Variants in CDH1 observed in about 807,000 individuals in gnomAD.
CDH1 encodes cadherin 1.
CDH1 carries 35 observed loss-of-function variants against 84.5 expected under a neutral mutation model. The ratio of observed to expected loss-of-function variants is 0.41; its 90% CI spans 0.32 to 0.55. The LOEUF (loss-of-function observed/expected upper bound fraction) is 0.55, where lower values mean the gene tolerates loss of function less well. Ranked by LOEUF, CDH1 falls within the 20% of genes least tolerant of loss-of-function variation. The probability of loss-of-function intolerance (pLI) is 0.19; values close to 1 mark genes in which losing one functional copy is unlikely to be tolerated. For synonymous variants in CDH1, 417 were observed against 439.0 expected, an observed-to-expected ratio of 0.95 and a Z score of 0.63; for missense variants, 994 against 1,126.6, an observed-to-expected ratio of 0.88 and a Z score of 1.68.
At chr16:68,747,400 T>C (rs1597846747) in intron 2 of CDH1, among the ~76,000 whole-genome samples, 1 of 151,598 alleles carries the variant, frequency 6.6e-6, no homozygotes, top group African/African-American at 2.4e-5. Flanking sequence ...TCATGGAGGG[T>C]TTTCTCTTTC....
At chr16:68,807,174 G>A (rs1960688456) in intron 3 of CDH1, among the ~76,000 whole-genome samples, 2 of 152,120 alleles carry the variant, frequency 1.3e-5, no homozygotes, top group Admixed American at 1.3e-4. Flanking sequence ...TATTGCATAT[G>A]AAAACTGTTC....
intron 2 of CDH1, among the ~76,000 whole-genome samples, chr16:68,738,881 A>G (rs1469367375): frequency 1.4e-5 from 2 of 146,258 alleles, no homozygotes; most frequent in African/African-American, 2.5e-5. Flanking sequence ...GGGATGACTG[A>G]AGAGCAGCCC....
At chr16:68,820,175 G>A (rs1418794518) in intron 11 of CDH1, among the ~76,000 whole-genome samples, 1 of 151,706 alleles carries the variant, frequency 6.6e-6, no homozygotes, top group African/African-American at 2.4e-5. Flanking sequence ...CTCCATCCTG[G>A]GCAACAGAGC....
intron 2 of CDH1, among the ~76,000 whole-genome samples, chr16:68,739,573 C>G (rs1445260994): frequency 2.0e-5 from 3 of 148,478 alleles, no homozygotes; most frequent in Non-Finnish European, 3.0e-5. Flanking sequence ...ACCAAAACAT[C>G]TTGATACAGG....
chr16:68,830,243 G>A (rs1042578715), intron 15 of CDH1, among the ~76,000 whole-genome samples: 4 of 151,968 alleles, frequency 2.6e-5, no homozygotes, highest in Non-Finnish European at 5.9e-5. Context: ...GTGAGCCACC[G>A]CACCTGGCAG....
In CDH1 at chr16:68,815,737, A is replaced by G. The variant is rs1219371636; in HGVS notation, c.1543A>G (p.Thr515Ala). The stretch of plus-strand genomic sequence containing the variant: ...ATCCTACACTGCCCAGGAGCCAGAC[A>G]CATTTATGGAACAGAAAATAACGTA... ...ITSYTAQEPD[T>A]FMEQKITYRI... Residue 515 changes from threonine (T) to alanine (A), a missense_variant, in exon 10 of 16, where the codon ACA becomes GCA. By Grantham distance (58) the Thr-to-Ala change is moderately conservative. Transcript: ENST00000261769. 6 of 1,614,246 alleles carry G rather than the reference A, an allele frequency of 3.7e-6. No individual in the cohort carries two copies. In the South Asian group the frequency reaches 6.6e-5, roughly 18 times the overall value.
chr16:68,785,681 C>T (rs996509224), intron 2 of CDH1, among the ~76,000 whole-genome samples: 2 of 151,886 alleles, frequency 1.3e-5, no homozygotes, highest in African/African-American at 4.8e-5. Context: ...TTTGCACTTG[C>T]TTTTATCAGC....
intron 2 of CDH1, among the ~76,000 whole-genome samples, chr16:68,790,395 C>T (rs1258815642): frequency 6.6e-6 from 1 of 152,126 alleles, no homozygotes; most frequent in African/African-American, 2.4e-5. Flanking sequence ...CAAACAGTTC[C>T]TAGAGTTGCC....
chr16:68,815,982 G>A (rs1960978038), intron 10 of CDH1, among the ~76,000 whole-genome samples: 1 of 152,064 alleles, frequency 6.6e-6, no homozygotes, highest in Non-Finnish European at 1.5e-5. Context: ...TTGAGCTCTT[G>A]TAGTATGGTA....
chr16:68,779,924 C>G (rs2152121826), intron 2 of CDH1, among the ~76,000 whole-genome samples: 1 of 152,260 alleles, frequency 6.6e-6, no homozygotes, highest in East Asian at 1.9e-4. Flanking sequence ...TCCCCCCATC[C>G]CCAGCTGAAA....
chr16:68,738,351 G>A lies in CDH1; in HGVS notation c.103G>A (p.Glu35Lys), dbSNP rs1597838625. Residue 35 changes from glutamate to lysine, a missense_variant, in exon 2 of 16, where the codon GAG becomes AAG. This residue lies in a region of CDH1 where 203 missense variants were observed against 194.0 expected (regional missense o/e 1.05). Transcript: ENST00000261769. Reference sequence around the variant, plus strand: ...GCCCTGCCACCCTGGCTTTGACGCCGAGAGCTACACGTTCACGGTGCCCCG... The same window carrying A: ...GCCCTGCCACCCTGGCTTTGACGCCAAGAGCTACACGTTCACGGTGCCCCG... ...PEPCHPGFDAESYTFTVPRRH... is the reference protein window; with the variant it reads ...PEPCHPGFDAKSYTFTVPRRH... 5 of 1,551,328 alleles carry A rather than the reference G, an allele frequency of 3.2e-6. No individual in the cohort carries two copies. Among genetic ancestry groups the A allele is most frequent in the Non-Finnish European group, 4.4e-6 (5 of 1,146,814 alleles).
intron 2 of CDH1, among the ~76,000 whole-genome samples, chr16:68,793,023 C>A (rs754655211): frequency 5.9e-5 from 9 of 152,176 alleles, no homozygotes; most frequent in Non-Finnish European, 1.0e-4. Flanking sequence ...TGCAAATAAA[C>A]TTCCAGTCCC....
intron 2 of CDH1, among the ~76,000 whole-genome samples, chr16:68,785,896 G>T (rs890776878): frequency 2.0e-5 from 3 of 152,180 alleles, no homozygotes; most frequent in African/African-American, 7.2e-5. Context: ...TCATTTTTGT[G>T]TGCAAGCTTT....
At chr16:68,760,760 A>G (rs549068937) in intron 2 of CDH1, among the ~76,000 whole-genome samples, 8 of 152,212 alleles carry the variant, frequency 5.3e-5, no homozygotes, top group South Asian at 2.1e-4. Flanking sequence ...TCGTCAGACA[A>G]TGGGCTCATT....
At chr16:68,829,936 C>CCTTTTTCTTTTTTTTT in intron 15 of CDH1, 139 bp downstream of exon 15, 1 of 806,312 alleles carries the variant, frequency 1.2e-6, no homozygotes, top group South Asian at 1.7e-5. Flanking sequence ...GCCCTGTTTT[C>CCTTTTTCTTTTTTTTT]CTTTTTCTTT....
chr16:68,798,827 G>C (rs757593000), intron 2 of CDH1, among the ~76,000 whole-genome samples: 3 of 152,086 alleles, frequency 2.0e-5, no homozygotes, highest in Non-Finnish European at 4.4e-5. Flanking sequence ...AGTTTGAAAA[G>C]AAATTCCTAT....
chr16:68,830,699 G>C, intron 15 of CDH1, among the ~76,000 whole-genome samples: 1 of 152,074 alleles, frequency 6.6e-6, no homozygotes, highest in East Asian at 1.9e-4. Context: ...ATCACAAGAT[G>C]GCTGCCACAC....
rs1060501223 is a variant in CDH1, at chr16:68,738,393, G to A, written c.145G>A (p.Gly49Ser). ...GGTGCCCCGGCGCCACCTGGAGAGA[G>A]GCCGCGTCCTGGGCAGAGGTGAGGG... ...FTVPRRHLER[G>S]RVLGRVNFED... Residue 49 changes from glycine (G) to serine (S), a missense_variant, in exon 2 of 16, where the codon GGC (glycine) becomes AGC (serine). Gly to Ser is a moderately conservative substitution (Grantham distance 56, BLOSUM62 0). Transcript: ENST00000261769. 13 of 1,550,032 alleles carry A rather than the reference G, an allele frequency of 8.4e-6. No homozygotes were observed. The South Asian group carries it at 1.5e-4, about 18-fold the overall frequency.
At chr16:68,749,777 C>G (rs1271530120) in intron 2 of CDH1, among the ~76,000 whole-genome samples, 1 of 152,180 alleles carries the variant, frequency 6.6e-6, no homozygotes, top group Non-Finnish European at 1.5e-5. Context: ...CCAGGTCTCT[C>G]ATCCTGTTCC....
Sources: allele counts gnomAD v4.1 joint callset (sites outside exome capture counted in the v4.1 genomes callset), GRCh38; gene constraint gnomAD v4.1.1; regional missense constraint gnomAD v4.1.1; transcripts MANE v1.5; gene names NCBI Gene and HGNC (gene_info 2026-07-23, HGNC 2026-07-21).